Variants in TMEM132B observed in about 807,000 individuals in gnomAD.
TMEM132B encodes the protein transmembrane protein 132B.
Under a neutral mutation model 90.8 loss-of-function variants are expected in TMEM132B, and 18 were observed. That is an observed-to-expected ratio of 0.20 (90% CI 0.14 to 0.29). The LOEUF is 0.29. Among genes scored for constraint, TMEM132B ranks in the 10% least tolerant of loss-of-function variants. TMEM132B has a pLI of 1.00. For missense variants in TMEM132B, 1,096 were observed against 1,326.8 expected (o/e 0.83, Z 2.70); for synonymous variants, 504 against 523.3 (o/e 0.96, Z 0.50).
chr12:125,457,963 T>A (rs1490572378), intron 3 of TMEM132B, among the ~76,000 whole-genome samples: 1 of 152,062 alleles, frequency 6.6e-6, no homozygotes, highest in East Asian at 1.9e-4. Context: ...CCTGCTGTGG[T>A]CACAATGTGG....
At chr12:125,271,841 A>G (rs1874844704) in intron 1 of TMEM132B, among the ~76,000 whole-genome samples, 1 of 152,080 alleles carries the variant, frequency 6.6e-6, no homozygotes. Flanking sequence ...CTATTGTAAA[A>G]AATTTAATAC....
At chr12:125,232,215 T>C (rs1873844507) in intron 1 of TMEM132B, among the ~76,000 whole-genome samples, 1 of 152,220 alleles carries the variant, frequency 6.6e-6, no homozygotes, top group African/African-American at 2.4e-5. Flanking sequence ...TTATAAACAA[T>C]GCTGATGTGA....
At chr12:125,219,052 T>A (rs911200461) in intron 1 of TMEM132B, among the ~76,000 whole-genome samples, 21 of 152,212 alleles carry the variant, frequency 1.4e-4, no homozygotes, top group Non-Finnish European at 2.9e-4. Flanking sequence ...ACCTCAATTT[T>A]AAAAAATGAG....
intron 1 of TMEM132B, among the ~76,000 whole-genome samples, chr12:125,305,800 G>C (rs543132530): frequency 6.6e-6 from 1 of 152,198 alleles, no homozygotes; most frequent in African/African-American, 2.4e-5. Flanking sequence ...TGGACTGTTC[G>C]TGTTGCTTCC....
intron 3 of TMEM132B, among the ~76,000 whole-genome samples, chr12:125,517,478 C>T (rs2615665): frequency 0.32 from 49,080 of 151,666 alleles, 12,051 homozygotes; most frequent in East Asian, 0.74. Flanking sequence ...AGGCGTGAGC[C>T]ACCACGCCCG....
At chr12:125,235,126 T>C (rs1165563822) in intron 1 of TMEM132B, among the ~76,000 whole-genome samples, 2 of 152,194 alleles carry the variant, frequency 1.3e-5, no homozygotes, top group Admixed American at 1.3e-4. Context: ...CATGGTGGAC[T>C]CTGGATGGTG....
chr12:125,439,142 G>A lies in TMEM132B; in HGVS notation c.1106+23465G>A, dbSNP rs1880789327. Among the ~76,000 whole-genome samples the A allele has an allele frequency of 4.1e-5, 5 of 121,286 alleles. 1 individual carries two copies. The Middle Eastern group carries it at 0.011, about 268-fold the overall frequency. The allele number at this position is 121,286 out of a possible 152,430, so 79.6% of individuals were successfully genotyped here. ...TGCTTTGGATTGTCTTGGCTGTTCAGGCTCTTTTTTTTTTTGGTTTTATAT... is the reference window on the plus strand; with the variant it reads ...TGCTTTGGATTGTCTTGGCTGTTCAAGCTCTTTTTTTTTTTGGTTTTATAT... On this transcript the variant is annotated intron_variant, in intron 3 of 8. Transcript: ENST00000682704.
At chr12:125,190,581 GAT>G (rs1957793329) in intron 1 of TMEM132B, among the ~76,000 whole-genome samples, 3 of 118,082 alleles carry the variant, frequency 2.5e-5, no homozygotes, top group Non-Finnish European at 3.5e-5. Flanking sequence ...GGGAAGGGGT[GAT>G]GATGGTGATG....
chr12:125,260,841 G>T (rs543935920), intron 1 of TMEM132B, among the ~76,000 whole-genome samples: 13 of 152,110 alleles, frequency 8.5e-5, no homozygotes, highest in African/African-American at 3.1e-4. Flanking sequence ...ACTTAAGCCC[G>T]GGAGGTCGAG....
At chr12:125,630,356 TC>T (rs1380112443) in intron 5 of TMEM132B, among the ~76,000 whole-genome samples, 1 of 152,072 alleles carries the variant, frequency 6.6e-6, no homozygotes, top group Non-Finnish European at 1.5e-5. Flanking sequence ...TCTTCATGAT[TC>T]AATCATGGTG....
intron 5 of TMEM132B, among the ~76,000 whole-genome samples, chr12:125,625,429 G>T (rs755935829): frequency 1.3e-5 from 2 of 152,066 alleles, no homozygotes; most frequent in Non-Finnish European, 2.9e-5. Flanking sequence ...CACCGCGCCC[G>T]GTCAGATTTG....
intron 3 of TMEM132B, among the ~76,000 whole-genome samples, chr12:125,486,700 C>G (rs1882213723): frequency 6.6e-6 from 1 of 152,176 alleles, no homozygotes; most frequent in Non-Finnish European, 1.5e-5. Context: ...ACTGCTAGGA[C>G]CCTCTGAGGG....
intron 3 of TMEM132B, among the ~76,000 whole-genome samples, chr12:125,482,084 C>T (rs1295706949): frequency 6.6e-6 from 1 of 152,080 alleles, no homozygotes; most frequent in East Asian, 1.9e-4. Flanking sequence ...CTTCCTTACA[C>T]ACTTATACAA....
chr12:125,409,163 T>G (rs1253090161), intron 2 of TMEM132B, among the ~76,000 whole-genome samples: 1 of 152,174 alleles, frequency 6.6e-6, no homozygotes, highest in Admixed American at 6.5e-5. Context: ...GAGGGCACTT[T>G]TGCAGCTTGA....
At chr12:125,542,025 CAAAAAAAAAAAA>C (rs71306285) in intron 4 of TMEM132B, among the ~76,000 whole-genome samples, 24 of 23,312 alleles carry the variant, frequency 1.0e-3, no homozygotes, top group Non-Finnish European at 1.3e-3. Flanking sequence ...ACCCCCGTCT[CAAAAAAAAAAAA>C]AAAAAAAAAA....
intron 1 of TMEM132B, among the ~76,000 whole-genome samples, chr12:125,247,771 C>T (rs1352047378): frequency 6.6e-6 from 1 of 152,218 alleles, no homozygotes; most frequent in Non-Finnish European, 1.5e-5. Context: ...TAGGCCTGAC[C>T]TATTAGACCT....
intron 4 of TMEM132B, among the ~76,000 whole-genome samples, chr12:125,526,762 G>A (rs1337599405): frequency 7.3e-6 from 1 of 137,034 alleles, no homozygotes; most frequent in African/African-American, 3.5e-5. Flanking sequence ...ACACCAGGGT[G>A]GGGGCTGAGG....
At chr12:125,593,964 G>A (rs139674367) in intron 5 of TMEM132B, among the ~76,000 whole-genome samples, 13 of 152,156 alleles carry the variant, frequency 8.5e-5, no homozygotes, top group African/African-American at 2.2e-4. Flanking sequence ...TAGTTTTGAC[G>A]ATTTCATGAG....
At chr12:125,223,821 C>G (rs780348139) in intron 1 of TMEM132B, among the ~76,000 whole-genome samples, 30 of 151,986 alleles carry the variant, frequency 2.0e-4, no homozygotes, top group Non-Finnish European at 1.6e-4. Context: ...GAGTCTTACT[C>G]TATTGCCTAG....
Sources: gnomAD v4.1 joint callset for allele counts (sites outside exome capture counted in the v4.1 genomes callset) on GRCh38, gnomAD v4.1.1 for gene constraint, MANE v1.5 for transcripts, NCBI Gene and HGNC (gene_info 2026-07-23, HGNC 2026-07-21) for gene names.